Variants in AIG1 observed in about 807,000 individuals in gnomAD.
AIG1 encodes androgen-induced gene 1 protein.
AIG1 carries 23 observed loss-of-function variants against 31.4 expected under a neutral mutation model. That is an observed-to-expected ratio of 0.73 (90% CI 0.53 to 1.04). AIG1 has a LOEUF of 1.04. AIG1 is among the 50% of genes least tolerant of loss of function. The pLI is 0.00. For synonymous variants in AIG1, 100 were observed against 110.5 expected, an observed-to-expected ratio of 0.90 and a Z score of 0.60; for missense variants, 274 against 295.0, an observed-to-expected ratio of 0.93 and a Z score of 0.52.
At chr6:143,137,021 A>C (rs747115589) in intron 2 of AIG1, 31 bp downstream of exon 2, 1 of 1,334,736 alleles carries the variant, frequency 7.5e-7, no homozygotes, top group East Asian at 2.8e-5. Flanking sequence ...ATTTAGCCAC[A>C]AAAGAAACTT....
At chr6:143,164,986 A>G (rs1241672894) in intron 2 of AIG1, 96 bp from the exon 3 acceptor site, 14 of 957,626 alleles carry the variant, frequency 1.5e-5, no homozygotes, top group Non-Finnish European at 2.1e-5. Context: ...CATAGATTCC[A>G]AATTCTGTTG....
chr6:143,188,435 C>CT, intron 3 of AIG1: 2 of 985,374 alleles, frequency 2.0e-6, no homozygotes, highest in South Asian at 9.4e-5. Flanking sequence ...TGAAGCTGTG[C>CT]TTTAACCTTA....
intron 3 of AIG1, among the ~76,000 whole-genome samples, chr6:143,181,691 T>A (rs971311010): frequency 2.0e-5 from 3 of 152,170 alleles, no homozygotes; most frequent in African/African-American, 4.8e-5. Context: ...CTGAATGAAT[T>A]GTGAACTACT....
chr6:143,078,484 G>A (rs1284315898), intron 1 of AIG1, among the ~76,000 whole-genome samples: 1 of 152,132 alleles, frequency 6.6e-6, no homozygotes, highest in Non-Finnish European at 1.5e-5. Flanking sequence ...TTTTCACACT[G>A]CTGATAAAGA....
In AIG1 at chr6:143,201,726, G is replaced by T. The variant is rs534668507; in HGVS notation, c.399+36543G>T. 2.0e-5 allele frequency among the ~76,000 whole-genome samples: 3 copies of T among 152,170 alleles called. No individual in the cohort carries two copies. The South Asian group carries it at 6.2e-4, about 32-fold the overall frequency. On this transcript the variant is annotated intron_variant, in intron 3 of 5. Transcript: ENST00000357847. ...AACGCTTAATTCTCCTCTTTGTTAC[G>T]GACCTGGGGATCCTTTCCTTCCTAT...
At chr6:143,282,918 C>G (rs1241649575) in intron 3 of AIG1, among the ~76,000 whole-genome samples, 1 of 152,172 alleles carries the variant, frequency 6.6e-6, no homozygotes, top group Non-Finnish European at 1.5e-5. Context: ...CAATTTCCTG[C>G]CTTTTCCTTG....
chr6:143,196,158 GA>G (rs1245370983), intron 3 of AIG1, among the ~76,000 whole-genome samples: 3 of 152,098 alleles, frequency 2.0e-5, no homozygotes, highest in Non-Finnish European at 2.9e-5. Context: ...CTGTCATCCA[GA>G]ATAATCCTTT....
intron 1 of AIG1, among the ~76,000 whole-genome samples, chr6:143,130,744 T>C (rs1000503851): frequency 1.3e-5 from 2 of 152,012 alleles, no homozygotes; most frequent in African/African-American, 4.8e-5. Context: ...AGTTTTAAAT[T>C]CAGGGGTACA....
chr6:143,194,583 T>G (rs2128600636), intron 3 of AIG1, among the ~76,000 whole-genome samples: 1 of 152,332 alleles, frequency 6.6e-6, no homozygotes, highest in South Asian at 2.1e-4. Flanking sequence ...AATCCATCTA[T>G]TTATTTGGAT....
chr6:143,087,551 C>T (rs544448561), intron 1 of AIG1, among the ~76,000 whole-genome samples: 6 of 152,264 alleles, frequency 3.9e-5, no homozygotes, highest in South Asian at 4.1e-4. Flanking sequence ...TGGAAGTCAG[C>T]GGCGGGTCTG....
chr6:143,203,580 G>A (rs1344326357), intron 3 of AIG1, among the ~76,000 whole-genome samples: 1 of 152,142 alleles, frequency 6.6e-6, no homozygotes, highest in East Asian at 1.9e-4. Context: ...CCTCTAAACT[G>A]GGGAGATTAG....
At chr6:143,235,333 G>A (rs537498360) in intron 3 of AIG1, among the ~76,000 whole-genome samples, 5 of 152,140 alleles carry the variant, frequency 3.3e-5, no homozygotes, top group African/African-American at 1.2e-4. Context: ...GAGGACATAC[G>A]TGTTTCTGTA....
chr6:143,335,012 A>C (rs1343886560), intron 5 of AIG1: 1 of 1,194,100 alleles, frequency 8.4e-7, no homozygotes, highest in Non-Finnish European at 1.1e-6. Flanking sequence ...CTTTTAAGTA[A>C]CATAAGATTG....
intron 1 of AIG1, among the ~76,000 whole-genome samples, chr6:143,093,757 A>C (rs1259039537): frequency 6.6e-6 from 1 of 152,154 alleles, no homozygotes; most frequent in Non-Finnish European, 1.5e-5. Context: ...TAATAGGCCC[A>C]ATTTCAATAT....
rs76665310 is a variant in AIG1 at position 143,328,587 on chromosome 6, C to T, written c.516-4695C>T. Among the ~76,000 whole-genome samples, 1 of 152,118 alleles carries T rather than the reference C, an allele frequency of 6.6e-6. No individual in the cohort carries two copies. Among genetic ancestry groups the T allele is most frequent in the African/African-American group, 2.4e-5 (1 of 41,416 alleles). On this transcript the variant is annotated intron_variant, in intron 4 of 5. Coordinates refer to ENST00000357847, the MANE Select transcript of AIG1 (RefSeq NM_016108.4). The surrounding 1 kb of genome is among the most constrained non-coding windows in gnomAD (Gnocchi z 4.0). ...TGTACTCCATGAGGACAGGAGTTAG[C>T]TCTGCCTCATTTACTTTTTTTCATC...
intron 1 of AIG1, among the ~76,000 whole-genome samples, chr6:143,083,360 C>G (rs1411777960): frequency 6.6e-6 from 1 of 152,114 alleles, no homozygotes; most frequent in Non-Finnish European, 1.5e-5. Context: ...ATCCCTGAAC[C>G]CTTGGGGTAA....
At chr6:143,090,823 A>G (rs1410840582) in intron 1 of AIG1, among the ~76,000 whole-genome samples, 1 of 152,146 alleles carries the variant, frequency 6.6e-6, no homozygotes, top group Non-Finnish European at 1.5e-5. Flanking sequence ...CAGTTTCCTA[A>G]AATAGGACAC....
At chr6:143,168,732 G>C (rs1438742508) in intron 3 of AIG1, among the ~76,000 whole-genome samples, 1 of 152,076 alleles carries the variant, frequency 6.6e-6, no homozygotes, top group African/African-American at 2.4e-5. Context: ...GAGCCCATGA[G>C]ATCAAGGCTA....
intron 4 of AIG1, among the ~76,000 whole-genome samples, chr6:143,315,258 GA>G (rs1775642610): frequency 6.6e-6 from 1 of 152,240 alleles, no homozygotes. Context: ...GGGCAAATGG[GA>G]AAAGGGTTTA....
Sources: allele counts gnomAD v4.1 joint callset (sites outside exome capture counted in the v4.1 genomes callset), GRCh38; gene constraint gnomAD v4.1.1; non-coding constraint Gnocchi (gnomAD v3.1); transcripts MANE v1.5; gene names NCBI Gene and HGNC (gene_info 2026-07-23, HGNC 2026-07-21).